The following SLC7A2 variants were observed in gnomAD, a reference collection of about 807,000 sequenced individuals.
SLC7A2 encodes cationic amino acid transporter 2.
SLC7A2 carries 48 observed loss-of-function variants against 58.9 expected under a neutral mutation model. That is an observed-to-expected ratio of 0.82 (90% CI 0.65 to 1.04). The LOEUF (loss-of-function observed/expected upper bound fraction) is 1.04. Among genes scored for constraint, SLC7A2 ranks in the 50% least tolerant of loss-of-function variants. The probability of loss-of-function intolerance (pLI) is 0.00; values close to 1 mark genes in which losing one functional copy is unlikely to be tolerated. For synonymous variants in SLC7A2, 363 were observed against 314.5 expected (o/e 1.15, Z -1.63); for missense variants, 1,029 against 818.8 (o/e 1.26, Z -3.13).
chr8:17,534,188 AG>A (rs1176817868), intron 2 of SLC7A2, among the ~76,000 whole-genome samples: 7 of 152,170 alleles, frequency 4.6e-5, no homozygotes, highest in Non-Finnish European at 1.5e-5. Context: ...CTATTTAAAA[AG>A]GGCAGCAGGA....
intron 2 of SLC7A2, among the ~76,000 whole-genome samples, chr8:17,521,734 G>A (rs576654121): frequency 8.5e-5 from 13 of 152,346 alleles, no homozygotes; most frequent in East Asian, 1.9e-4. Flanking sequence ...CTCAAGAGCC[G>A]AAGCCTTGAA....
Position 17,570,298 on chromosome 8 carries a change from C to T in SLC7A2, c.*5152C>T, listed in dbSNP as rs1242485989. On this transcript the variant is annotated 3_prime_UTR_variant, in exon 13 of 13. Transcript: ENST00000494857. ...ATTGCTGTATTTTGTTATTGCAGTA[C>T]TTAATAAAAATTGTTGATAGGGCCC... 2 of 152,402 alleles carry T rather than the reference C, an allele frequency of 1.3e-5. No individual in the cohort carries two copies. The highest frequency in any genetic ancestry group is 2.9e-5 in the Non-Finnish European group (2 of 68,026). 9.4% of individuals were successfully genotyped at this position (152,402 alleles called of 1,614,324 possible).
At position 17,562,180 on chromosome 8, in the gene SLC7A2, A is replaced by ATTTTTTTTTTTT. The variant is rs200130071; in HGVS notation, c.1671+94_1671+105dup. 1.2e-4 allele frequency: 72 copies of ATTTTTTTTTTTT among 594,326 alleles called. 1 individual carries two copies. Among genetic ancestry groups the ATTTTTTTTTTTT allele is most frequent in the Middle Eastern group, 9.5e-4 (2 of 2,106 alleles). The allele number at this position is 594,326 out of a possible 1,614,324, so 36.8% of individuals were successfully genotyped here. ...TCTCTGTATAATTAGTTTGGTAAGT[A>ATTTTTTTTTTTT]TTTTTTTTTTTTTTTTTTTTTTTTT... On this transcript the variant is annotated intron_variant, in intron 11 of 12. Coordinates refer to ENST00000494857, the MANE Select transcript of SLC7A2 (RefSeq NM_001370338.1).
intron 2 of SLC7A2, among the ~76,000 whole-genome samples, chr8:17,519,940 A>T (rs569248841): frequency 6.6e-6 from 1 of 152,198 alleles, no homozygotes; most frequent in Non-Finnish European, 1.5e-5. Context: ...GTTGTCTACC[A>T]GTAGACCATC....
In SLC7A2 at chr8:17,510,506, C is replaced by T. The variant is rs370775835; in HGVS notation, c.-23+8204C>T. On this transcript the variant is annotated intron_variant, in intron 2 of 12. Coordinates refer to ENST00000494857, the MANE Select transcript of SLC7A2 (RefSeq NM_001370338.1). ...CTTGCCAGCATCTATTGTTTCTTGA[C>T]TTGTTAATAGTCACCATTCTGACTG... is the stretch of plus-strand genomic sequence containing the variant. 5.3e-5 allele frequency: 8 copies of T among 152,270 alleles called. No individual in the cohort carries two copies. The East Asian group carries it at 1.5e-3, about 29-fold the overall frequency. The allele number at this position is 152,270 out of a possible 1,614,324, so 9.4% of individuals were successfully genotyped here.
intron 2 of SLC7A2, among the ~76,000 whole-genome samples, chr8:17,528,642 A>C (rs1174712598): frequency 1.3e-5 from 2 of 151,842 alleles, no homozygotes; most frequent in Non-Finnish European, 2.9e-5. Flanking sequence ...GAGGAAGTTA[A>C]CTCCGCCTGC....
In SLC7A2 at chr8:17,523,873, G is replaced by T. The variant is rs376117346; in HGVS notation, c.-22-19445G>T. 7.3e-5 allele frequency among the ~76,000 whole-genome samples: 11 copies of T among 151,458 alleles called. No homozygotes were observed. The East Asian group carries it at 1.9e-3, about 27-fold the overall frequency. ...TTCACAGTCTATACATCTGACAAAG[G>T]ACTAATATCCAGAATCTACAAAGAA... On this transcript the variant is annotated intron_variant, in intron 2 of 12. Coordinates refer to ENST00000494857, the MANE Select transcript of SLC7A2 (RefSeq NM_001370338.1).
At chr8:17,531,642 T>C (rs1801455158) in intron 2 of SLC7A2, among the ~76,000 whole-genome samples, 1 of 152,046 alleles carries the variant, frequency 6.6e-6, no homozygotes, top group Non-Finnish European at 1.5e-5. Flanking sequence ...ACTTAAGCTA[T>C]TATTATTCAG....
intron 2 of SLC7A2, among the ~76,000 whole-genome samples, chr8:17,530,633 T>C (rs1339589210): frequency 1.3e-5 from 2 of 151,304 alleles, no homozygotes; most frequent in Admixed American, 1.3e-4. Flanking sequence ...CATGCGGTGG[T>C]GCAATCTCGA....
intron 5 of SLC7A2, among the ~76,000 whole-genome samples, chr8:17,549,132 A>G (rs1802322240): frequency 6.6e-6 from 1 of 152,136 alleles, no homozygotes; most frequent in Non-Finnish European, 1.5e-5. Context: ...TCACCATCAC[A>G]AGAACAGCAC....
At chr8:17,550,594 A>T (rs1433401935) in intron 6 of SLC7A2, among the ~76,000 whole-genome samples, 160 bp downstream of exon 6, 1 of 152,194 alleles carries the variant, frequency 6.6e-6, no homozygotes, top group African/African-American at 2.4e-5. Flanking sequence ...TGATAAAAAG[A>T]AAGAATGCAA....
chr8:17,496,888 A>G (rs928883070), upstream of SLC7A2, among the ~76,000 whole-genome samples: 2 of 151,564 alleles, frequency 1.3e-5, no homozygotes, highest in Admixed American at 6.6e-5. Context: ...GCGCCCGCCC[A>G]CGTGTGCTCG....
chr8:17,564,336 A>C (rs533515300), intron 12 of SLC7A2, among the ~76,000 whole-genome samples: 46 of 152,336 alleles, frequency 3.0e-4, no homozygotes, highest in Admixed American at 1.1e-3. Context: ...TTTTCCATAT[A>C]AACATTGAAA....
chr8:17,502,888 G>C (rs959499788), intron 2 of SLC7A2, among the ~76,000 whole-genome samples: 7 of 151,704 alleles, frequency 4.6e-5, no homozygotes, highest in African/African-American at 9.7e-5. Flanking sequence ...TTAGGTCTTG[G>C]GTTGGGTGCT....
chr8:17,516,247 A>G (rs958382610), intron 2 of SLC7A2, among the ~76,000 whole-genome samples: 2 of 149,306 alleles, frequency 1.3e-5, no homozygotes, highest in South Asian at 2.1e-4. Context: ...TTTTTTTGAG[A>G]TGGAATCTCG....
chr8:17,534,883 A>G (rs1042889151), intron 2 of SLC7A2, among the ~76,000 whole-genome samples: 7 of 151,850 alleles, frequency 4.6e-5, no homozygotes, highest in African/African-American at 1.7e-4. Context: ...GTCCCTTCCC[A>G]CTCATCCTCT....
chr8:17,540,138 C>A (rs1364007916), intron 2 of SLC7A2, among the ~76,000 whole-genome samples: 1 of 152,112 alleles, frequency 6.6e-6, no homozygotes, highest in Non-Finnish European at 1.5e-5. Context: ...CATGATACAC[C>A]TGCTAGGACT....
At chr8:17,501,487 T>G (rs1487162688) in intron 1 of SLC7A2, among the ~76,000 whole-genome samples, 4 of 152,088 alleles carry the variant, frequency 2.6e-5, no homozygotes, top group African/African-American at 9.7e-5. Context: ...ACTTTTAGTA[T>G]TATTTAGACT....
Position 17,547,899 on chromosome 8 carries a change from A to G in SLC7A2, c.533-779A>G, listed in dbSNP as rs554281906. Among the ~76,000 whole-genome samples, 5 of 151,926 alleles carry G rather than the reference A, an allele frequency of 3.3e-5. No individual in the cohort carries two copies. The South Asian group carries it at 1.0e-3, about 32-fold the overall frequency. ...TGTGTCTTCAAAGTACTTGAATAGA[A>G]ATTGATCACTTTTGCAATCAGAATA... On this transcript the variant is annotated intron_variant, in intron 4 of 12. Coordinates refer to ENST00000494857, the MANE Select transcript of SLC7A2 (RefSeq NM_001370338.1).
Sources: allele counts gnomAD v4.1 joint callset (sites outside exome capture counted in the v4.1 genomes callset), GRCh38; gene constraint gnomAD v4.1.1; transcripts MANE v1.5; gene names NCBI Gene and HGNC (gene_info 2026-07-23, HGNC 2026-07-21).